The following KLF12 variants were observed in gnomAD, a reference collection of about 807,000 sequenced individuals.
The protein encoded by KLF12 is KLF transcription factor 12.
KLF12 carries 9 observed loss-of-function variants against 37.8 expected under a neutral mutation model. The observed-to-expected ratio is 0.24, with a 90% CI of 0.14 to 0.42. KLF12 has a LOEUF of 0.42. Ranked by LOEUF, KLF12 falls within the 10% of genes least tolerant of loss-of-function variation. The pLI is 1.00. For synonymous variants in KLF12, 208 were observed against 202.1 expected (o/e 1.03, Z -0.25); for missense variants, 411 against 516.0 (o/e 0.80, Z 1.97).
the KLF12 span, among the ~76,000 whole-genome samples, chr13:74,143,548 G>T: frequency 6.6e-6 from 1 of 152,136 alleles, no homozygotes; most frequent in African/African-American, 2.4e-5. Context: ...ATCCTATGAA[G>T]CTATACTATT....
At chr13:74,215,953 A>G in the KLF12 span, among the ~76,000 whole-genome samples, 4 of 152,174 alleles carry the variant, frequency 2.6e-5, no homozygotes, top group Non-Finnish European at 5.9e-5. Context: ...CAGGCTAGGG[A>G]AGGCACCATG....
At chr13:74,006,163 C>T (rs1260706376) in intron 1 of KLF12, among the ~76,000 whole-genome samples, 2 of 152,204 alleles carry the variant, frequency 1.3e-5, no homozygotes, top group Admixed American at 1.3e-4. Context: ...TATCCACTCC[C>T]TCTCCGCCAT....
intron 3 of KLF12, among the ~76,000 whole-genome samples, chr13:73,916,017 A>G (rs910714740): frequency 6.6e-6 from 1 of 152,042 alleles, no homozygotes; most frequent in East Asian, 1.9e-4. Context: ...GAGAGTTTAA[A>G]ATTTGTAGTG....
At chr13:73,875,964 A>T (rs1886684511) in intron 3 of KLF12, among the ~76,000 whole-genome samples, 1 of 152,146 alleles carries the variant, frequency 6.6e-6, no homozygotes, top group Non-Finnish European at 1.5e-5. Flanking sequence ...ACATATGACT[A>T]TACTTTTAAA....
chr13:73,849,605 A>G lies in KLF12; in HGVS notation c.124-3232T>C, dbSNP rs916410227. ...GGAGATACGGGGTATGCCACTCAGG[A>G]ACCAGCCTCAAAGGGGATAAGAACA... is the stretch of plus-strand genomic sequence containing the variant. On this transcript the variant is annotated intron_variant, in intron 3 of 7. Transcript: ENST00000377669. 3.2e-4 allele frequency among the ~76,000 whole-genome samples: 48 copies of G among 152,168 alleles called. 1 individual carries two copies. Among genetic ancestry groups the G allele is most frequent in the Non-Finnish European group, 1.5e-5 (1 of 68,032 alleles).
chr13:74,239,414 T>C, the KLF12 span, among the ~76,000 whole-genome samples: 1 of 119,010 alleles, frequency 8.4e-6, no homozygotes, highest in Non-Finnish European at 1.7e-5. Flanking sequence ...AAATGTATAT[T>C]CTGTTGATTT....
chr13:73,695,987 G>A (rs1471605518), intron 7 of KLF12, among the ~76,000 whole-genome samples: 1 of 152,122 alleles, frequency 6.6e-6, no homozygotes, highest in Non-Finnish European at 1.5e-5. Flanking sequence ...AATTACTAAA[G>A]CTTTACCCAG....
intron 3 of KLF12, among the ~76,000 whole-genome samples, chr13:73,942,427 C>T (rs1489570742): frequency 1.3e-5 from 2 of 151,894 alleles, no homozygotes; most frequent in Non-Finnish European, 2.9e-5. Context: ...TTTTACTAAA[C>T]TCATGATAAT....
At chr13:73,821,716 G>A (rs951281323) in intron 4 of KLF12, among the ~76,000 whole-genome samples, 12 of 151,962 alleles carry the variant, frequency 7.9e-5, no homozygotes, top group East Asian at 3.9e-4. Context: ...GCAGCCCTCC[G>A]CATCCTACAA....
chr13:74,287,128 G>T, the KLF12 span, among the ~76,000 whole-genome samples: 2 of 152,162 alleles, frequency 1.3e-5, no homozygotes, highest in South Asian at 2.1e-4. Flanking sequence ...GCTCACTGCT[G>T]CAGGCTTTCC....
chr13:73,849,017 A>G (rs1258217722), intron 3 of KLF12, among the ~76,000 whole-genome samples: 1 of 152,126 alleles, frequency 6.6e-6, no homozygotes, highest in East Asian at 1.9e-4. Flanking sequence ...CTCTTATGCA[A>G]TGATTATGGT....
chr13:73,836,189 T>C (rs1884426386), intron 4 of KLF12, among the ~76,000 whole-genome samples: 1 of 152,160 alleles, frequency 6.6e-6, no homozygotes. Flanking sequence ...TTTTTATTTA[T>C]TGGATAGAAA....
chr13:74,230,668 G>A, the KLF12 span, among the ~76,000 whole-genome samples: 1 of 152,094 alleles, frequency 6.6e-6, no homozygotes, highest in Non-Finnish European at 1.5e-5. Context: ...CACGTACTCG[G>A]GATGAATTCT....
At chr13:74,268,537 C>A in the KLF12 span, among the ~76,000 whole-genome samples, 118 of 152,314 alleles carry the variant, frequency 7.7e-4, no homozygotes, top group African/African-American at 2.7e-3. Context: ...CATCCCAAAG[C>A]AGCTCACTTA....
intron 5 of KLF12, among the ~76,000 whole-genome samples, chr13:73,794,386 A>G (rs1167975632): frequency 6.6e-6 from 1 of 152,180 alleles, no homozygotes; most frequent in African/African-American, 2.4e-5. Flanking sequence ...GCTTGAACCC[A>G]GGAGGCAGAG....
At chr13:74,103,085 A>G (rs191279186) in intron 1 of KLF12, among the ~76,000 whole-genome samples, 37 of 152,360 alleles carry the variant, frequency 2.4e-4, no homozygotes, top group Non-Finnish European at 5.1e-4. Context: ...TTAAAAGACC[A>G]ATGATAATGG....
chr13:73,787,698 G>C (rs1428426540), intron 5 of KLF12, among the ~76,000 whole-genome samples: 3 of 152,168 alleles, frequency 2.0e-5, no homozygotes, highest in Non-Finnish European at 4.4e-5. Flanking sequence ...TGGCTCCACA[G>C]TATATGTAGT....
At chr13:73,743,081 G>A (rs1263709308) in intron 6 of KLF12, among the ~76,000 whole-genome samples, 1 of 151,570 alleles carries the variant, frequency 6.6e-6, no homozygotes, top group Non-Finnish European at 1.5e-5. Flanking sequence ...TCTTACATAA[G>A]AAAATCCTGT....
At chr13:73,844,712 T>A (rs1432955497) in intron 4 of KLF12, 1 of 152,138 alleles carries the variant, frequency 6.6e-6, no homozygotes, top group Non-Finnish European at 1.5e-5. Flanking sequence ...TCCCACCTCA[T>A]ACAAGAACCA....
Sources: gnomAD v4.1 joint callset for allele counts (sites outside exome capture counted in the v4.1 genomes callset) on GRCh38, gnomAD v4.1.1 for gene constraint, MANE v1.5 for transcripts, NCBI Gene and HGNC (gene_info 2026-07-23, HGNC 2026-07-21) for gene names.